Variants in UCP3 observed in about 807,000 individuals in gnomAD.
UCP3 encodes putative mitochondrial transporter UCP3.
In UCP3, 24 loss-of-function variants were observed where a neutral mutation model predicts 28.1. The observed-to-expected ratio is 0.85, with a 90% CI of 0.62 to 1.20. The LOEUF is 1.20. Ranked by LOEUF, UCP3 falls within the 50% of genes most tolerant of loss-of-function variation. The probability of loss-of-function intolerance (pLI) is 0.00; values close to 1 mark genes in which losing one functional copy is unlikely to be tolerated. For missense variants in UCP3, 397 were observed against 422.2 expected, an observed-to-expected ratio of 0.94 and a Z score of 0.52; for synonymous variants, 184 against 171.2, an observed-to-expected ratio of 1.07 and a Z score of -0.59.
chr11:74,003,769 GA>G, intron 6 of UCP3, 57 bp downstream of exon 6: 1 of 1,521,254 alleles, frequency 6.6e-7, no homozygotes, highest in Non-Finnish European at 8.8e-7. Context: ...AGCCACATTC[GA>G]AAAGAAAGAA....
At chr11:74,005,625 G>T in intron 4 of UCP3, 105 bp downstream of exon 4, 1 of 1,281,796 alleles carries the variant, frequency 7.8e-7, no homozygotes, top group Non-Finnish European at 1.1e-6. Context: ...CAGAATCACT[G>T]GAACACGCCA....
intron 5 of UCP3, 91 bp from the exon 6 acceptor site, chr11:74,004,098 C>T (rs951984607): frequency 3.9e-6 from 6 of 1,554,486 alleles, no homozygotes; most frequent in Non-Finnish European, 3.5e-6. Flanking sequence ...CCGTGAACTC[C>T]CTGAGCATAG....
chr11:74,008,566 CCT>C (rs1951683441), intron 1 of UCP3, among the ~76,000 whole-genome samples: 1 of 152,146 alleles, frequency 6.6e-6, no homozygotes, highest in African/African-American at 2.4e-5. Context: ...CAGAAGTGCC[CCT>C]GTCATCCCTA....
chr11:74,008,999 GGGC>G lies in UCP3; in HGVS notation c.-120_-118del, dbSNP rs1951686985. 6.6e-6 allele frequency: 1 copy of G among 152,308 alleles called. No homozygotes were observed. The highest frequency in any genetic ancestry group is 1.5e-5 in the Non-Finnish European group (1 of 68,108). 9.4% of individuals were successfully genotyped at this position (152,308 alleles called of 1,614,324 possible). On this transcript the variant is annotated 5_prime_UTR_variant, in exon 1 of 7. Transcript: ENST00000314032. ...TTACCTGTGAGTCCTGCCACGGCAGGGGCAGCACAGGGGCTCCCTAGGGCTCCA... is the reference window on the plus strand; with the variant it reads ...TTACCTGTGAGTCCTGCCACGGCAGGAGCACAGGGGCTCCCTAGGGCTCCA...
Position 74,006,365 on chromosome 11 carries a change from G to C in UCP3, c.141C>G (p.Asn47Lys). 1 of 1,575,032 alleles carries C rather than the reference G, an allele frequency of 6.3e-7. No homozygotes were observed. Among genetic ancestry groups the C allele is most frequent in the Non-Finnish European group, 8.6e-7 (1 of 1,163,366 alleles). ...CGAGCCGGGCCGTCTGGACCGCCTG[G>C]TTCTCCCCCTGGATCTGAGGGACAA... ...AKVRLQIQGE[N>K]QAVQTARLVQ... The change falls in exon 3 of 7, where the codon AAC becomes AAG. Residue 47 changes from asparagine to lysine, a missense_variant. By Grantham distance (94) the Asn-to-Lys change is moderately conservative. Transcript: ENST00000314032.
At position 74,001,518 on chromosome 11, in the gene UCP3, G is replaced by T; in HGVS notation, c.833C>A (p.Pro278His). The T allele has an allele frequency of 1.2e-6, 2 of 1,614,044 alleles. No homozygotes were observed. The highest frequency in any genetic ancestry group is 2.2e-5 in the South Asian group (2 of 91,078). Reference protein sequence around the residue: ...GPTAFYKGFTPSFLRLGSWNV... With the variant: ...GPTAFYKGFTHSFLRLGSWNV... ...CCAGGATCCCAAACGCAAAAAGGAGGGTGTAAATCTGATAAGAAAAACAAC... is the reference window on the plus strand; with the variant it reads ...CCAGGATCCCAAACGCAAAAAGGAGTGTGTAAATCTGATAAGAAAAACAAC... Residue 278 changes from proline (P) to histidine (H), a missense_variant, in exon 7 of 7, where the codon CCC (proline) becomes CAC (histidine). Transcript: ENST00000314032.
At chr11:74,001,943 C>T (rs1328000579) in intron 6 of UCP3, 1 of 269,060 alleles carries the variant, frequency 3.7e-6, no homozygotes, top group Non-Finnish European at 7.2e-6. Context: ...CCCCGGGTGG[C>T]CAGCCCTAAC....
chr11:74,003,568 T>C (rs554857036), intron 6 of UCP3: 1 of 1,203,764 alleles, frequency 8.3e-7, no homozygotes, highest in African/African-American at 1.6e-5. Flanking sequence ...GTCTCAGGAT[T>C]GCTAACTTCC....
intron 5 of UCP3, 118 bp from the exon 6 acceptor site, chr11:74,004,125 T>C: frequency 6.7e-7 from 1 of 1,496,418 alleles, no homozygotes; most frequent in East Asian, 2.5e-5. Flanking sequence ...ATTTTCCATA[T>C]CTCTCACAGT....
At position 74,001,814 on chromosome 11, in the gene UCP3, T is replaced by C. The variant is rs1685356; in HGVS notation, c.825-288A>G. 230,817 of 386,650 alleles carry C rather than the reference T, an allele frequency of 0.6. 72,179 individuals carry two copies. The highest frequency in any genetic ancestry group is 0.91 in the African/African-American group (43,722 of 48,230). 24.0% of individuals were successfully genotyped at this position (386,650 alleles called of 1,614,324 possible). ...AGGCAGCCATGTTGCTGCCAGGCTC[T>C]TTTTCACAAACTGAGGCCCAGGGAG... On this transcript the variant is annotated intron_variant, in intron 6 of 6. Transcript: ENST00000314032.
At chr11:74,001,551 T>A (rs1351829639) in intron 6 of UCP3, 25 bp from the exon 7 acceptor site, 1 of 1,608,664 alleles carries the variant, frequency 6.2e-7, no homozygotes, top group Admixed American at 1.7e-5. Context: ...AACCAACACA[T>A]CAGGTGGAGT....
chr11:74,004,933 A>G (rs933225609), intron 4 of UCP3, among the ~76,000 whole-genome samples: 3 of 152,212 alleles, frequency 2.0e-5, no homozygotes, highest in African/African-American at 7.2e-5. Context: ...TCATTCAGCG[A>G]GAGGCTGAGC....
Position 74,006,218 on chromosome 11 carries a change from G to A in UCP3, c.288C>T (p.Ile96=), listed in dbSNP as rs2229706. ...CCTGCTTGACGGAGTCATAGAGGCC[G>A]ATGCGGATGGAGGCGAAGCTCATCT... The part of the protein sequence containing the change: ...QRQMSFASIR[I]GLYDSVKQVY... Residue 96 remains isoleucine, a synonymous_variant, in exon 3 of 7, where the codon ATC becomes ATT. Transcript: ENST00000314032. 2,503 of 1,614,146 alleles carry A rather than the reference G, an allele frequency of 1.6e-3. 34 individuals carry two copies. The African/African-American group carries it at 0.03, about 19-fold the overall frequency.
chr11:74,001,665 C>T (rs1951622662), intron 6 of UCP3, 139 bp from the exon 7 acceptor site: 1 of 708,762 alleles, frequency 1.4e-6, no homozygotes, highest in East Asian at 2.8e-5. Flanking sequence ...TCCTTTCAGT[C>T]TCTCTCTCTC....
intron 2 of UCP3, 82 bp from the exon 3 acceptor site, chr11:74,006,461 G>C (rs1199022318): frequency 2.9e-6 from 4 of 1,371,792 alleles, no homozygotes; most frequent in Non-Finnish European, 2.9e-6. Context: ...CTGGGGCTGG[G>C]CCTGCCTGGG....
intron 1 of UCP3, 121 bp from the exon 2 acceptor site, chr11:74,007,258 G>GC: frequency 1.6e-6 from 1 of 607,898 alleles, no homozygotes; most frequent in Non-Finnish European, 2.8e-6. Flanking sequence ...TACTTAAGCT[G>GC]CATGAATTTG....
chr11:74,003,732 C>G, intron 6 of UCP3, 95 bp downstream of exon 6: 1 of 1,507,828 alleles, frequency 6.6e-7, no homozygotes, highest in Non-Finnish European at 8.8e-7. Context: ...GTACTCTTCA[C>G]CGCTACATCC....
Position 74,004,427 on chromosome 11 carries a change from G to A in UCP3, c.643+57C>T. On this transcript the variant is annotated intron_variant, in intron 5 of 6. Coordinates refer to ENST00000314032, the MANE Select transcript of UCP3 (RefSeq NM_003356.4). ...CTCTGGGTGGTGCCCACTCCACGGAGTTCTGGGTTCCCTCCCTGCTGAGGG... is the reference window on the plus strand; with the variant it reads ...CTCTGGGTGGTGCCCACTCCACGGAATTCTGGGTTCCCTCCCTGCTGAGGG... 1.9e-6 allele frequency: 3 copies of A among 1,548,224 alleles called. No individual in the cohort carries two copies. In the South Asian group the frequency reaches 3.4e-5, roughly 17 times the overall value.
intron 1 of UCP3, among the ~76,000 whole-genome samples, chr11:74,008,733 G>A (rs1280118541): frequency 1.3e-5 from 2 of 152,196 alleles, no homozygotes; most frequent in Non-Finnish European, 2.9e-5. Context: ...CAAAGGGGGT[G>A]TGAGTCTTGA....
Sources: allele counts gnomAD v4.1 joint callset (sites outside exome capture counted in the v4.1 genomes callset), GRCh38; gene constraint gnomAD v4.1.1; transcripts MANE v1.5; gene names NCBI Gene and HGNC (gene_info 2026-07-23, HGNC 2026-07-21).